PLB1: variants seen among roughly 807,000 people sequenced by gnomAD.
PLB1 encodes the protein phospholipase B1.
A neutral mutation model predicts 227.4 loss-of-function variants in PLB1; 242 were observed. The ratio of observed to expected loss-of-function variants is 1.06; its 90% CI spans 0.96 to 1.18. The LOEUF is 1.18. PLB1 is among the 50% of genes most tolerant of loss of function. The pLI, the probability that PLB1 is intolerant of heterozygous loss-of-function variation, is 0.00. For synonymous variants in PLB1, 757 were observed against 682.2 expected, an observed-to-expected ratio of 1.11 and a Z score of -1.71; for missense variants, 1,858 against 1,816.3, an observed-to-expected ratio of 1.02 and a Z score of -0.42.
chr2:28,550,364 C>T (rs1053914336), intron 16 of PLB1, among the ~76,000 whole-genome samples: 4 of 150,588 alleles, frequency 2.7e-5, no homozygotes, highest in Non-Finnish European at 4.4e-5. Context: ...TTAGTGGAGA[C>T]GGGGTTTCAC....
rs1237560047 is a variant in PLB1, at chr2:28,547,233, G to A, written c.937-1627G>A. Among the ~76,000 whole-genome samples the A allele has an allele frequency of 2.0e-5, 3 of 150,190 alleles. No individual in the cohort carries two copies. In the East Asian group the frequency reaches 5.9e-4, roughly 29 times the overall value. On this transcript the variant is annotated intron_variant, in intron 14 of 57. Transcript: ENST00000327757. ...AAAAAAAAAGAAAAAAAAAAAATTGGGGAAGAGAAGGTGGCAAGACAGATC... is the reference window on the plus strand; with the variant it reads ...AAAAAAAAAGAAAAAAAAAAAATTGAGGAAGAGAAGGTGGCAAGACAGATC...
intron 13 of PLB1, among the ~76,000 whole-genome samples, chr2:28,542,280 C>A (rs1415491485): frequency 6.6e-6 from 1 of 152,178 alleles, no homozygotes; most frequent in Non-Finnish European, 1.5e-5. Flanking sequence ...AGGGGAAATA[C>A]CCCCATATTA....
At position 28,601,272 on chromosome 2, in the gene PLB1, C is replaced by CTGGA. The variant is rs1683828354; in HGVS notation, c.2548_2551dup (p.Lys851MetfsTer15). ...TATAGAGAGTAAATTTCCATGAAGACTGGAAGGTCATCACAGTGCTGATCG... is the reference window on the plus strand; with the variant it reads ...TATAGAGAGTAAATTTCCATGAAGACTGGATGGAAGGTCATCACAGTGCTGATCG... On this transcript the variant is annotated frameshift_variant, in exon 37 of 58. Coordinates refer to ENST00000327757, the MANE Select transcript of PLB1 (RefSeq NM_153021.5). LOFTEE classifies it high-confidence loss of function. 6.2e-7 allele frequency: 1 copy of CTGGA among 1,613,770 alleles called. No homozygotes were observed. Among genetic ancestry groups the CTGGA allele is most frequent in the Non-Finnish European group, 8.5e-7 (1 of 1,179,822 alleles).
At chr2:28,555,175 T>A (rs1235024328) in intron 17 of PLB1, among the ~76,000 whole-genome samples, 2 of 143,226 alleles carry the variant, frequency 1.4e-5, no homozygotes, top group Non-Finnish European at 3.0e-5. Flanking sequence ...AGAGTTTTGC[T>A]CTGTCACCCA....
intron 46 of PLB1, among the ~76,000 whole-genome samples, chr2:28,619,654 A>T (rs975234192): frequency 4.0e-5 from 6 of 151,442 alleles, no homozygotes; most frequent in South Asian, 2.1e-4. Context: ...GCATTCCATG[A>T]GGGTATGGGA....
intron 23 of PLB1, among the ~76,000 whole-genome samples, chr2:28,580,190 GTCC>G (rs1679682037): frequency 6.6e-6 from 1 of 152,354 alleles, no homozygotes; most frequent in Non-Finnish European, 1.5e-5. Flanking sequence ...GATGCTGCGT[GTCC>G]TCCTGGAACC....
At chr2:28,597,545 T>C (rs1376068960) in intron 33 of PLB1, among the ~76,000 whole-genome samples, 1 of 152,226 alleles carries the variant, frequency 6.6e-6, no homozygotes, top group Non-Finnish European at 1.5e-5. Context: ...GGAATTTACC[T>C]GACTGCTGAG....
Position 28,640,948 on chromosome 2 carries a change from A to T in PLB1, c.4120A>T (p.Thr1374Ser). Residue 1374 changes from threonine (T) to serine (S), a missense_variant, in exon 57 of 58, where the codon ACT becomes TCT. Transcript: ENST00000327757. The stretch of plus-strand genomic sequence containing the variant: ...CCAGCTGGAACCAGTGGGCCGCAAG[A>T]CTACCTCCAACAACTTCACCCACAG... ...NNMLEPVGRKTTSNNFTHSRA... is the reference protein window; with the variant it reads ...NNMLEPVGRKSTSNNFTHSRA... 1 of 1,613,848 alleles carries T rather than the reference A, an allele frequency of 6.2e-7. No individual in the cohort carries two copies. Among genetic ancestry groups the T allele is most frequent in the Non-Finnish European group, 8.5e-7 (1 of 1,179,884 alleles).
At chr2:28,555,007 C>T (rs907561484) in intron 17 of PLB1, among the ~76,000 whole-genome samples, 1 of 152,082 alleles carries the variant, frequency 6.6e-6, no homozygotes, top group African/African-American at 2.4e-5. Context: ...CACTCGCTCT[C>T]CACCTGGAAT....
chr2:28,621,182 A>G (rs1687003987), intron 49 of PLB1, among the ~76,000 whole-genome samples: 1 of 152,192 alleles, frequency 6.6e-6, no homozygotes, highest in Non-Finnish European at 1.5e-5. Context: ...AGAACCACCA[A>G]GATTATCCAG....
At chr2:28,530,118 T>A (rs1480991653) in intron 8 of PLB1, among the ~76,000 whole-genome samples, 1 of 152,108 alleles carries the variant, frequency 6.6e-6, no homozygotes, top group East Asian at 1.9e-4. Context: ...CTCGGCCTCC[T>A]AAAGTGCTGA....
intron 23 of PLB1, among the ~76,000 whole-genome samples, chr2:28,581,770 G>A (rs529448586): frequency 2.0e-5 from 3 of 151,918 alleles, no homozygotes; most frequent in African/African-American, 4.8e-5. Context: ...GACCAGCCTG[G>A]GCAACATGGG....
chr2:28,519,639 G>T, intron 3 of PLB1, 66 bp from the exon 4 acceptor site: 1 of 1,239,454 alleles, frequency 8.1e-7, no homozygotes, highest in Non-Finnish European at 1.2e-6. Flanking sequence ...CTCCCATACG[G>T]TATCCTTGGC....
chr2:28,510,399 T>C (rs1436086508), intron 1 of PLB1, among the ~76,000 whole-genome samples: 3 of 152,046 alleles, frequency 2.0e-5, no homozygotes, highest in African/African-American at 7.2e-5. Flanking sequence ...TTTGGGTAGC[T>C]CCAGCTATTC....
intron 20 of PLB1, 34 bp downstream of exon 20, chr2:28,566,873 T>TA (rs1558778397): frequency 6.2e-7 from 1 of 1,613,150 alleles, no homozygotes; most frequent in African/African-American, 1.3e-5. Context: ...ATGTTTGGTT[T>TA]GGGGCGGCCC....
rs756570216 is a variant in PLB1 at position 28,548,900 on chromosome 2, A to C, written c.977A>C (p.Lys326Thr). The change falls in exon 15 of 58, where the codon AAA (lysine) becomes ACA (threonine). Residue 326 changes from lysine to threonine, a missense_variant. Transcript: ENST00000327757. The part of the protein sequence containing the change: ...AGEKDEPLSV[K>T]HGRPMKCPSQ... Reference sequence around the variant, plus strand: ...GAGAAAGATGAGCCATTGAGTGTAAAACACGGGAGGCCAATGAAGTGTCCC... The same window carrying C: ...GAGAAAGATGAGCCATTGAGTGTAACACACGGGAGGCCAATGAAGTGTCCC... 6.2e-7 allele frequency: 1 copy of C among 1,614,152 alleles called. No homozygotes were observed. The highest frequency in any genetic ancestry group is 1.1e-5 in the South Asian group (1 of 91,082).
intron 33 of PLB1, chr2:28,595,060 G>C (rs1682675730): frequency 1.3e-5 from 2 of 152,152 alleles, no homozygotes. Flanking sequence ...GGGCAGCCTG[G>C]GGAAGTGAGG....
At position 28,569,044 on chromosome 2, in the gene PLB1, G is replaced by A. The variant is rs1490891918; in HGVS notation, c.1324+2205G>A. On this transcript the variant is annotated intron_variant, in intron 20 of 57. Transcript: ENST00000327757. ...AAATCGGAGCAATTTCCATTTATTA[G>A]TGTAATATCCCCAAACCTCAAGGAA... Among the ~76,000 whole-genome samples, 7 of 152,244 alleles carry A rather than the reference G, an allele frequency of 4.6e-5. No homozygotes were observed. In the East Asian group the frequency reaches 1.4e-3, roughly 29 times the overall value.
intron 26 of PLB1, among the ~76,000 whole-genome samples, chr2:28,587,096 T>A (rs182931279): frequency 4.6e-5 from 7 of 152,262 alleles, no homozygotes; most frequent in African/African-American, 1.7e-4. Context: ...GGGGAGGAAG[T>A]CCCTGGCCCA....
Sources: allele counts gnomAD v4.1 joint callset (sites outside exome capture counted in the v4.1 genomes callset), GRCh38; gene constraint gnomAD v4.1.1; transcripts MANE v1.5; gene names NCBI Gene and HGNC (gene_info 2026-07-23, HGNC 2026-07-21).